The following SPMAP2L variants were observed in gnomAD, a reference collection of about 807,000 sequenced individuals.
SPMAP2L encodes sperm microtubule associated protein 2-like.
the SPMAP2L span, among the ~76,000 whole-genome samples, chr4:56,577,212 CT>C: frequency 6.6e-6 from 1 of 151,364 alleles, no homozygotes; most frequent in Non-Finnish European, 1.5e-5. Flanking sequence ...TGAGACCAGC[CT>C]GGCCAACATG....
At chr4:56,595,042 C>T in the SPMAP2L span, 1 of 1,608,418 alleles carries the variant, frequency 6.2e-7, no homozygotes, top group Non-Finnish European at 8.5e-7. Flanking sequence ...GGATGCCTGT[C>T]CTGTGGGAAC....
At chr4:56,551,595 A>G in the SPMAP2L span, among the ~76,000 whole-genome samples, 1 of 151,966 alleles carries the variant, frequency 6.6e-6, no homozygotes, top group Non-Finnish European at 1.5e-5. Flanking sequence ...TCCTGTGCCT[A>G]TTTTTCAGTT....
chr4:56,602,823 T>G, the SPMAP2L span, among the ~76,000 whole-genome samples: 1 of 152,186 alleles, frequency 6.6e-6, no homozygotes, highest in Non-Finnish European at 1.5e-5. Flanking sequence ...CTTCAAAAAT[T>G]TTATTTTCTT....
chr4:56,573,496 A>C, the SPMAP2L span, among the ~76,000 whole-genome samples: 1 of 152,082 alleles, frequency 6.6e-6, no homozygotes, highest in East Asian at 1.9e-4. Flanking sequence ...TTCTCCAAGC[A>C]CATCTTGCCT....
At chr4:56,585,246 T>C in the SPMAP2L span, among the ~76,000 whole-genome samples, 1 of 152,262 alleles carries the variant, frequency 6.6e-6, no homozygotes, top group East Asian at 1.9e-4. Flanking sequence ...GGGTCTGGTT[T>C]TCAGAATGTT....
the SPMAP2L span, among the ~76,000 whole-genome samples, chr4:56,544,526 T>TA: frequency 7.9e-5 from 12 of 152,024 alleles, no homozygotes; most frequent in East Asian, 3.9e-4. Flanking sequence ...CGAAAAAACG[T>TA]AAAAAAAATA....
At chr4:56,581,698 C>A in the SPMAP2L span, among the ~76,000 whole-genome samples, 5 of 151,488 alleles carry the variant, frequency 3.3e-5, no homozygotes, top group Non-Finnish European at 7.4e-5. Context: ...TATAGAAATG[C>A]AAGGGACATC....
chr4:56,583,203 G>A, the SPMAP2L span, among the ~76,000 whole-genome samples: 2 of 152,066 alleles, frequency 1.3e-5, no homozygotes, highest in African/African-American at 4.8e-5. Flanking sequence ...GAACCCAGGA[G>A]GCGGAGGTTA....
the SPMAP2L span, chr4:56,593,463 G>A: frequency 2.4e-4 from 375 of 1,589,266 alleles, no homozygotes; most frequent in Non-Finnish European, 3.0e-4. Context: ...CAGACACGGA[G>A]GGGAAGGTGG....
At chr4:56,583,655 A>G in the SPMAP2L span, among the ~76,000 whole-genome samples, 2 of 152,202 alleles carry the variant, frequency 1.3e-5, no homozygotes, top group Non-Finnish European at 2.9e-5. Flanking sequence ...AGTGGCTGGC[A>G]GTTATGACCA....
chr4:56,531,007 A>T, the SPMAP2L span: 2 of 1,535,136 alleles, frequency 1.3e-6, no homozygotes, highest in East Asian at 2.4e-5. Flanking sequence ...TGCAGCCCCC[A>T]AACTCCTCAA....
chr4:56,585,222 T>C, the SPMAP2L span, among the ~76,000 whole-genome samples: 1 of 151,464 alleles, frequency 6.6e-6, no homozygotes, highest in African/African-American at 2.4e-5. Flanking sequence ...CACCCACTCA[T>C]AAAATTAGAT....
At chr4:56,574,796 A>G in the SPMAP2L span, among the ~76,000 whole-genome samples, 2 of 151,750 alleles carry the variant, frequency 1.3e-5, no homozygotes, top group Non-Finnish European at 2.9e-5. Flanking sequence ...CCTGGGGAAC[A>G]TAGTGAAACC....
chr4:56,589,130 A>G, the SPMAP2L span, among the ~76,000 whole-genome samples: 5 of 151,940 alleles, frequency 3.3e-5, no homozygotes, highest in African/African-American at 7.3e-5. Context: ...TTGGGATTAC[A>G]GGCGCCCACC....
chr4:56,625,052 G>A, the SPMAP2L span, among the ~76,000 whole-genome samples: 1 of 152,136 alleles, frequency 6.6e-6, no homozygotes, highest in Non-Finnish European at 1.5e-5. Context: ...AAAGCCACAG[G>A]GGTACAGCTG....
At chr4:56,548,486 G>A in the SPMAP2L span, among the ~76,000 whole-genome samples, 1 of 152,142 alleles carries the variant, frequency 6.6e-6, no homozygotes, top group Non-Finnish European at 1.5e-5. Flanking sequence ...TTTTGACACA[G>A]AAATTTTAAG....
At chr4:56,542,921 A>G in the SPMAP2L span, among the ~76,000 whole-genome samples, 1 of 152,124 alleles carries the variant, frequency 6.6e-6, no homozygotes, top group South Asian at 2.1e-4. Context: ...GTTAGGAGTA[A>G]GACAGGGTCC....
At chr4:56,556,876 A>G in the SPMAP2L span, among the ~76,000 whole-genome samples, 2 of 152,022 alleles carry the variant, frequency 1.3e-5, no homozygotes, top group South Asian at 4.1e-4. Context: ...CTCCATCTCT[A>G]AATAATAAAA....
the SPMAP2L span, among the ~76,000 whole-genome samples, chr4:56,606,486 T>C: frequency 6.6e-6 from 1 of 151,942 alleles, no homozygotes; most frequent in African/African-American, 2.4e-5. Flanking sequence ...ATTTCCCATA[T>C]AGGTGCCCTG....
Sources: allele counts gnomAD v4.1 joint callset (sites outside exome capture counted in the v4.1 genomes callset), GRCh38; gene constraint gnomAD v4.1.1; transcripts MANE v1.5; gene names NCBI Gene and HGNC (gene_info 2026-07-23, HGNC 2026-07-21).